Variants in PRKDC observed in about 807,000 individuals in gnomAD.
PRKDC encodes DNA-dependent protein kinase catalytic subunit.
A neutral mutation model predicts 486.9 loss-of-function variants in PRKDC; 82 were observed. The observed-to-expected ratio is 0.17, with a 90% CI of 0.14 to 0.20. The LOEUF (loss-of-function observed/expected upper bound fraction) is 0.20, where lower values mean the gene tolerates loss of function less well. PRKDC is among the 10% of genes least tolerant of loss of function. The pLI is 1.00. For synonymous variants in PRKDC, 1,895 were observed against 1,837.0 expected (o/e 1.03, Z -0.81); for missense variants, 4,504 against 5,038.2 (o/e 0.89, Z 3.21).
At chr8:47,938,404 T>G (rs2090389259) in intron 11 of PRKDC, among the ~76,000 whole-genome samples, 1 of 112,144 alleles carries the variant, frequency 8.9e-6, no homozygotes, top group South Asian at 2.7e-4. Context: ...AAAGCGAAAC[T>G]CCAACTCAAA....
chr8:47,902,906 A>G lies in PRKDC; in HGVS notation c.3043-111T>C, dbSNP rs544183460. The G allele has an allele frequency of 2.3e-5, 17 of 727,366 alleles. No homozygotes were observed. In the East Asian group the frequency reaches 5.1e-4, roughly 22 times the overall value. The allele number at this position is 727,366 out of a possible 1,614,324, so 45.1% of individuals were successfully genotyped here. A position where few individuals can be genotyped will look rare whatever the true frequency, so the allele number is the denominator to read the frequency against. On this transcript the variant is annotated intron_variant, in intron 26 of 85. Transcript: ENST00000314191. ...TAAAGTATGTTAAAAATTAATTTAT[A>G]GCACTAGTCAAGAAAAAAATAAACA...
At chr8:47,810,292 A>G (rs1417043242) in intron 68 of PRKDC, among the ~76,000 whole-genome samples, 1 of 152,224 alleles carries the variant, frequency 6.6e-6, no homozygotes, top group Non-Finnish European at 1.5e-5. Context: ...TGAGAGAGAC[A>G]GACCACACTC....
At chr8:47,827,117 ATCAC>A (rs2087756172) in intron 62 of PRKDC, among the ~76,000 whole-genome samples, 1 of 114,052 alleles carries the variant, frequency 8.8e-6, no homozygotes, top group Non-Finnish European at 1.8e-5. Flanking sequence ...AAATATGAAG[ATCAC>A]ACACACACAC....
At position 47,840,180 on chromosome 8, in the gene PRKDC, T is replaced by G; in HGVS notation, c.7290A>C (p.Glu2430Asp). 6.9e-6 allele frequency: 11 copies of G among 1,595,806 alleles called. No homozygotes were observed. Among genetic ancestry groups the G allele is most frequent in the South Asian group, 1.1e-5 (1 of 88,302 alleles). The change falls in exon 55 of 86, where the codon GAA becomes GAC. Residue 2430 changes from glutamate to aspartate, a missense_variant. Physicochemically the swap from Glu to Asp is conservative, Grantham distance 45. This residue lies in a region of PRKDC where 1,592 missense variants were observed against 1,724.6 expected (regional missense o/e 0.92). Coordinates refer to ENST00000314191, the MANE Select transcript of PRKDC (RefSeq NM_006904.7). ...FVQVMRHRDDERQKVCLDIIY... is the reference protein window; with the variant it reads ...FVQVMRHRDDDRQKVCLDIIY... Reference sequence around the variant, plus strand: ...TTATGTCCAAACATACTTTTTGTCTTTCATCATCTCTATGGGAGAGATTTT... The same window carrying G: ...TTATGTCCAAACATACTTTTTGTCTGTCATCATCTCTATGGGAGAGATTTT...
chr8:47,900,520 G>C (rs1403146813), intron 27 of PRKDC, 53 bp from the exon 28 acceptor site: 1 of 1,449,014 alleles, frequency 6.9e-7, no homozygotes, highest in Admixed American at 2.2e-5. Context: ...AAGCAGAAAG[G>C]ACAAAGAAAA....
At chr8:47,843,229 T>G (rs2088191514) in intron 54 of PRKDC, among the ~76,000 whole-genome samples, 2 of 152,018 alleles carry the variant, frequency 1.3e-5, no homozygotes, top group South Asian at 2.1e-4. Context: ...TTTGAAAGAT[T>G]CACTACAGGA....
intron 49 of PRKDC, among the ~76,000 whole-genome samples, chr8:47,856,206 C>T (rs929416605): frequency 2.0e-5 from 3 of 152,112 alleles, no homozygotes; most frequent in Admixed American, 6.6e-5. Context: ...GAAAGCTCCA[C>T]GTATTTTTTT....
chr8:47,921,801 T>C (rs1284238557), intron 21 of PRKDC, among the ~76,000 whole-genome samples: 9 of 152,240 alleles, frequency 5.9e-5, no homozygotes, highest in Admixed American at 5.9e-4. Context: ...ATTTTCTTTT[T>C]GAGACAGAGT....
At chr8:47,841,729 C>G (rs1033695670) in intron 54 of PRKDC, among the ~76,000 whole-genome samples, 2 of 152,204 alleles carry the variant, frequency 1.3e-5, no homozygotes, top group Non-Finnish European at 2.9e-5. Context: ...CAAGGCTGGT[C>G]TGGGAAGGGT....
intron 83 of PRKDC, among the ~76,000 whole-genome samples, 170 bp from the exon 84 acceptor site, chr8:47,778,044 C>T (rs191510477): frequency 6.6e-6 from 1 of 152,240 alleles, no homozygotes; most frequent in South Asian, 2.1e-4. Flanking sequence ...CGAGAGTAAC[C>T]CCCTCGGCTT....
chr8:47,841,042 G>A (rs2088129048), intron 54 of PRKDC, among the ~76,000 whole-genome samples: 1 of 152,224 alleles, frequency 6.6e-6, no homozygotes, highest in Non-Finnish European at 1.5e-5. Flanking sequence ...AGCCTGCACA[G>A]TCTCCGGGTG....
rs139405360 is a variant in PRKDC, at chr8:47,930,816, T to C, written c.1777-29A>G. On this transcript the variant is annotated intron_variant, in intron 16 of 85. Coordinates refer to ENST00000314191, the MANE Select transcript of PRKDC (RefSeq NM_006904.7). ...AAAGAGTAATTGTAGCAAAGAAACATTGTACCATTCAATCACGAATCACTC... is the reference window on the plus strand; with the variant it reads ...AAAGAGTAATTGTAGCAAAGAAACACTGTACCATTCAATCACGAATCACTC... 4.1e-3 allele frequency: 6,253 copies of C among 1,527,990 alleles called. 21 individuals carry two copies. Among genetic ancestry groups the C allele is most frequent in the Non-Finnish European group, 4.9e-3 (5,608 of 1,135,736 alleles). The allele number at this position is 1,527,990 out of a possible 1,614,324, so 94.7% of individuals were successfully genotyped here. A position where few individuals can be genotyped will look rare whatever the true frequency, so the allele number is the denominator to read the frequency against.
At chr8:47,790,269 A>ATT (rs1029222114) in intron 74 of PRKDC, among the ~76,000 whole-genome samples, 4 of 152,242 alleles carry the variant, frequency 2.6e-5, no homozygotes, top group Admixed American at 2.6e-4. Context: ...AACAGTGAAC[A>ATT]ATCTGAAACA....
chr8:47,927,758 A>T lies in PRKDC; in HGVS notation c.2259+13T>A. ...AGCGATGAAGAGATGGCTCTGTTCA[A>T]GACAACGCCTACCTGCAGTGCAGGA... On this transcript the variant is annotated intron_variant, in intron 20 of 85. Coordinates refer to ENST00000314191, the MANE Select transcript of PRKDC (RefSeq NM_006904.7). 6.6e-7 allele frequency: 1 copy of T among 1,512,510 alleles called. No individual in the cohort carries two copies. Among genetic ancestry groups the T allele is most frequent in the Non-Finnish European group, 8.8e-7 (1 of 1,135,394 alleles). 93.7% of individuals were successfully genotyped at this position (1,512,510 alleles called of 1,614,324 possible).
Position 47,782,800 on chromosome 8 carries a change from A to G in PRKDC, c.11176-202T>C. On this transcript the variant is annotated intron_variant, in intron 78 of 85. Transcript: ENST00000314191. The surrounding 1 kb of genome is among the most constrained non-coding windows in gnomAD (Gnocchi z 4.9). ...TGCCCGCAGAAATGTTGTATTCCTG[A>G]TTATAAATACTTGCTTATGAATGTG... The G allele has an allele frequency of 3.3e-6, 2 of 597,768 alleles. No individual in the cohort carries two copies. Among genetic ancestry groups the G allele is most frequent in the South Asian group, 4.2e-5 (2 of 47,914 alleles). 37.0% of individuals were successfully genotyped at this position (597,768 alleles called of 1,614,324 possible).
chr8:47,843,839 G>C (rs2088206550), intron 54 of PRKDC, among the ~76,000 whole-genome samples: 1 of 152,164 alleles, frequency 6.6e-6, no homozygotes, highest in Admixed American at 6.5e-5. Context: ...TTCAGACAAG[G>C]AAACATTAAG....
rs2088699513 is a variant in PRKDC, at chr8:47,862,478, T to C, written c.5814A>G (p.Arg1938=). 1 of 1,613,898 alleles carries C rather than the reference T, an allele frequency of 6.2e-7. No individual in the cohort carries two copies. Among genetic ancestry groups the C allele is most frequent in the African/African-American group, 1.3e-5 (1 of 75,030 alleles). ...AGTTGTATGCTGCACAATGGTAAAG[T>C]CTTCTCCTCTCCAGCAGCTGATTCT... ...AGENQLLERR[R]LYHCAAYNCA... The change falls in exon 43 of 86, where the codon AGA becomes AGG. Residue 1938 remains arginine, a synonymous_variant. Coordinates refer to ENST00000314191, the MANE Select transcript of PRKDC (RefSeq NM_006904.7).
At position 47,902,710 on chromosome 8, in the gene PRKDC, T is replaced by C. The variant is rs917323287; in HGVS notation, c.3128A>G (p.Gln1043Arg). Reference protein sequence around the residue: ...IREFLKWSIKQITPQQQEKSP... With the variant: ...IREFLKWSIKRITPQQQEKSP... ...CTTCTCCTGCTGCTGTGGTGTTATT[T>C]GCTTAATGGACCATTTAAGGAATTC... is the stretch of plus-strand genomic sequence containing the variant. The change falls in exon 27 of 86, where the codon CAA becomes CGA. Residue 1043 changes from glutamine (Q) to arginine (R), a missense_variant. Gln to Arg is a conservative substitution (Grantham distance 43). Coordinates refer to ENST00000314191, the MANE Select transcript of PRKDC (RefSeq NM_006904.7). The C allele has an allele frequency of 3.1e-6, 5 of 1,613,998 alleles. No individual in the cohort carries two copies. Among genetic ancestry groups the C allele is most frequent in the South Asian group, 2.2e-5 (2 of 91,076 alleles).
intron 11 of PRKDC, 139 bp downstream of exon 11, chr8:47,939,412 T>A (rs2090403686): frequency 1.1e-6 from 1 of 904,238 alleles, no homozygotes; most frequent in African/African-American, 1.7e-5. Flanking sequence ...TAAGTGAGCC[T>A]GTGCAGTTCA....
Sources: gnomAD v4.1 joint callset for allele counts (sites outside exome capture counted in the v4.1 genomes callset) on GRCh38, gnomAD v4.1.1 for gene constraint, gnomAD v4.1.1 regional missense constraint, Gnocchi (gnomAD v3.1) non-coding constraint, MANE v1.5 for transcripts, NCBI Gene and HGNC (gene_info 2026-07-23, HGNC 2026-07-21) for gene names.